MTHFD1L: variants seen among roughly 807,000 people sequenced by gnomAD.
The protein encoded by MTHFD1L is methylenetetrahydrofolate dehydrogenase (NADP+ dependent) 1 like, also known as monofunctional C1-tetrahydrofolate synthase, mitochondrial.
In MTHFD1L, 81 loss-of-function variants were observed where a neutral mutation model predicts 119.5. The ratio of observed to expected loss-of-function variants is 0.68; its 90% CI spans 0.57 to 0.82. The LOEUF (loss-of-function observed/expected upper bound fraction) is 0.82, where lower values mean the gene tolerates loss of function less well. MTHFD1L is among the 40% of genes least tolerant of loss of function. MTHFD1L has a pLI of 0.00. For synonymous variants in MTHFD1L, 430 were observed against 475.2 expected (o/e 0.90, Z 1.24); for missense variants, 1,125 against 1,253.4 (o/e 0.90, Z 1.55).
Position 151,014,881 on chromosome 6 carries a change from A to G in MTHFD1L, c.2309A>G (p.Asn770Ser). The G allele has an allele frequency of 6.2e-7, 1 of 1,613,954 alleles. No individual in the cohort carries two copies. Among genetic ancestry groups the G allele is most frequent in the Non-Finnish European group, 8.5e-7 (1 of 1,179,938 alleles). Residue 770 changes from asparagine (N) to serine (S), a missense_variant and splice_region_variant, in exon 23 of 28, where the codon AAC becomes AGC. Coordinates refer to ENST00000367321, the MANE Select transcript of MTHFD1L (RefSeq NM_015440.5). ...GTTTTGCTTTTTTCTTTTTTACAGA[A>G]CATCCAGCTGGTGGCAGACGGCTGC... ...VPLKKEYTEE[N>S]IQLVADGCCN...
At chr6:151,055,216 A>G (rs946062110) in intron 26 of MTHFD1L, among the ~76,000 whole-genome samples, 2 of 152,142 alleles carry the variant, frequency 1.3e-5, no homozygotes, top group Non-Finnish European at 2.9e-5. Flanking sequence ...CAGTGAGCCT[A>G]GTTCGCGCCA....
At chr6:151,011,365 C>T (rs1782182898) in intron 21 of MTHFD1L, among the ~76,000 whole-genome samples, 1 of 152,108 alleles carries the variant, frequency 6.6e-6, no homozygotes, top group Non-Finnish European at 1.5e-5. Context: ...TGGAATTCTC[C>T]CTCCCTGCCC....
intron 26 of MTHFD1L, among the ~76,000 whole-genome samples, chr6:151,069,251 T>TCTCTCTCTCTCTC: frequency 7.3e-6 from 1 of 136,682 alleles, no homozygotes; most frequent in South Asian, 2.5e-4. Flanking sequence ...TTCTCTCTCT[T>TCTCTCTCTCTCTC]TCTCTCTCTC....
intron 26 of MTHFD1L, among the ~76,000 whole-genome samples, chr6:151,062,829 A>G (rs1012082005): frequency 7.8e-4 from 20 of 25,590 alleles, no homozygotes; most frequent in African/African-American, 2.4e-3. Flanking sequence ...CAAGACAGCC[A>G]TATATATATA....
intron 20 of MTHFD1L, among the ~76,000 whole-genome samples, chr6:151,006,263 C>G (rs1438318810): frequency 6.6e-6 from 1 of 152,162 alleles, no homozygotes; most frequent in Non-Finnish European, 1.5e-5. Flanking sequence ...CAGGAAATGG[C>G]ACATCCAAGC....
At chr6:151,041,261 C>T (rs1393276566) in intron 26 of MTHFD1L, among the ~76,000 whole-genome samples, 1 of 152,202 alleles carries the variant, frequency 6.6e-6, no homozygotes, top group African/African-American at 2.4e-5. Context: ...GGGCCAGGAT[C>T]TCCTAATAAG....
intron 26 of MTHFD1L, among the ~76,000 whole-genome samples, chr6:151,091,742 G>A (rs1243258692): frequency 6.6e-6 from 1 of 152,132 alleles, no homozygotes; most frequent in East Asian, 1.9e-4. Context: ...GGTGGCTGTG[G>A]CGGTATGGTA....
chr6:150,875,411 G>A (rs1364030915), intron 1 of MTHFD1L, among the ~76,000 whole-genome samples: 3 of 152,094 alleles, frequency 2.0e-5, no homozygotes, highest in African/African-American at 7.2e-5. Context: ...GGTGGGAGGT[G>A]AAGGTGGCTG....
Position 150,974,486 on chromosome 6 carries a change from A to C in MTHFD1L, c.2125+2428A>C, listed in dbSNP as rs543545592. Among the ~76,000 whole-genome samples the C allele has an allele frequency of 7.0e-4, 106 of 152,296 alleles. 2 individuals carry two copies. In the South Asian group the frequency reaches 0.015, roughly 22 times the overall value. ...TTTTTGAGTGTACGTTCATTAGTGAAGTACACCTTCATTGTTGTGCAACCA... is the reference window on the plus strand; with the variant it reads ...TTTTTGAGTGTACGTTCATTAGTGACGTACACCTTCATTGTTGTGCAACCA... On this transcript the variant is annotated intron_variant, in intron 20 of 27. Transcript: ENST00000367321.
intron 11 of MTHFD1L, among the ~76,000 whole-genome samples, chr6:150,932,816 G>GGAAGGAAAGAAGGAAGGA (rs1791325108): frequency 1.7e-5 from 2 of 119,482 alleles, no homozygotes; most frequent in Non-Finnish European, 3.6e-5. Flanking sequence ...GAGAGGGAGG[G>GGAAGGAAAGAAGGAAGGA]AGGAAGGAAG....
chr6:150,904,954 G>GGCACCA (rs1785642972), intron 7 of MTHFD1L, among the ~76,000 whole-genome samples: 1 of 151,674 alleles, frequency 6.6e-6, no homozygotes, highest in Non-Finnish European at 1.5e-5. Context: ...TTCTATAGGG[G>GGCACCA]TCTCATTGTG....
chr6:151,080,831 G>A (rs1793074086), intron 26 of MTHFD1L, among the ~76,000 whole-genome samples: 2 of 152,128 alleles, frequency 1.3e-5, no homozygotes, highest in Admixed American at 1.3e-4. Context: ...ACATCCCTGT[G>A]ACCTCTTCCT....
At chr6:151,012,019 CAAAAAAAAAAA>C (rs1043831602) in intron 21 of MTHFD1L, among the ~76,000 whole-genome samples, 10 of 58,840 alleles carry the variant, frequency 1.7e-4, no homozygotes, top group Admixed American at 2.4e-4. Flanking sequence ...ACAACAACAA[CAAAAAAAAAAA>C]AAAAAAAAAA....
intron 20 of MTHFD1L, among the ~76,000 whole-genome samples, chr6:150,998,754 A>G (rs2128460494): frequency 6.7e-6 from 1 of 150,024 alleles, no homozygotes; most frequent in African/African-American, 2.5e-5. Flanking sequence ...GGGCAGGCAG[A>G]TCACTTGAGC....
intron 26 of MTHFD1L, among the ~76,000 whole-genome samples, chr6:151,049,491 CAAAAAAAA>C (rs61344944): frequency 2.3e-5 from 2 of 85,984 alleles, no homozygotes; most frequent in African/African-American, 4.4e-5. Flanking sequence ...GACTCCGTCT[CAAAAAAAA>C]AAAAAAAAAA....
At chr6:150,945,832 C>T (rs1349648590) in intron 15 of MTHFD1L, among the ~76,000 whole-genome samples, 1 of 152,094 alleles carries the variant, frequency 6.6e-6, no homozygotes, top group Non-Finnish European at 1.5e-5. Context: ...GTACTCTAGT[C>T]AACTGACAAG....
chr6:150,980,808 C>T (rs1044438789), intron 20 of MTHFD1L, among the ~76,000 whole-genome samples: 5 of 151,960 alleles, frequency 3.3e-5, no homozygotes, highest in East Asian at 1.9e-4. Context: ...CTCCTGATCC[C>T]GTTCTTTTTT....
chr6:150,908,828 T>G (rs1379432301), intron 8 of MTHFD1L, among the ~76,000 whole-genome samples: 1 of 138,396 alleles, frequency 7.2e-6, no homozygotes, highest in Non-Finnish European at 1.5e-5. Flanking sequence ...TGGAGAAAGG[T>G]TTTTTTTCCC....
At chr6:150,904,928 ATGGG>A (rs1785637971) in intron 7 of MTHFD1L, among the ~76,000 whole-genome samples, 1 of 152,034 alleles carries the variant, frequency 6.6e-6, no homozygotes, top group African/African-American at 2.4e-5. Context: ...AAGTCCTTTC[ATGGG>A]TATAGTAACA....
Sources: gnomAD v4.1 joint callset for allele counts (sites outside exome capture counted in the v4.1 genomes callset) on GRCh38, gnomAD v4.1.1 for gene constraint, MANE v1.5 for transcripts, NCBI Gene and HGNC (gene_info 2026-07-23, HGNC 2026-07-21) for gene names.